The following CTNNA2 variants were observed in gnomAD, a reference collection of about 807,000 sequenced individuals.
The protein encoded by CTNNA2 is catenin alpha 2.
Under a neutral mutation model 101.0 loss-of-function variants are expected in CTNNA2, and 42 were observed. The observed-to-expected ratio is 0.42, with a 90% confidence interval of 0.32 to 0.54. CTNNA2 has a LOEUF of 0.54. CTNNA2 is among the 20% of genes least tolerant of loss of function. CTNNA2 has a pLI of 0.14. For missense variants in CTNNA2, 871 were observed against 1,223.1 expected (o/e 0.71, Z 4.29); for synonymous variants, 450 against 456.4 (o/e 0.99, Z 0.18).
chr2:79,972,671 A>G (rs1480701571), intron 7 of CTNNA2, among the ~76,000 whole-genome samples: 1 of 152,176 alleles, frequency 6.6e-6, no homozygotes, highest in Non-Finnish European at 1.5e-5. Context: ...CAAGAGCAGT[A>G]ATAAAGAGTC....
intron 9 of CTNNA2, among the ~76,000 whole-genome samples, chr2:80,429,804 C>T (rs1475959813): frequency 5.3e-5 from 8 of 152,152 alleles, no homozygotes; most frequent in Admixed American, 4.6e-4. Flanking sequence ...CAGTTTGCAT[C>T]GTTCATATCT....
intron 5 of CTNNA2, among the ~76,000 whole-genome samples, 164 bp from the exon 6 acceptor site, chr2:79,873,912 A>G (rs1682791523): frequency 6.6e-6 from 1 of 152,158 alleles, no homozygotes; most frequent in Non-Finnish European, 1.5e-5. Flanking sequence ...TCTATAAAAC[A>G]GACAAACAAA....
At chr2:79,591,885 C>T (rs560613044) in intron 1 of CTNNA2, among the ~76,000 whole-genome samples, 60 of 144,096 alleles carry the variant, frequency 4.2e-4, no homozygotes, top group Middle Eastern at 3.5e-3. Context: ...TTTATTTTAT[C>T]GGTTGTTTCT....
chr2:79,976,315 A>C (rs1690837065), intron 7 of CTNNA2, among the ~76,000 whole-genome samples: 1 of 152,148 alleles, frequency 6.6e-6, no homozygotes, highest in South Asian at 2.1e-4. Context: ...GGCCAACTGA[A>C]CAGGAGACGG....
chr2:80,622,721 G>A (rs906184134), intron 18 of CTNNA2, among the ~76,000 whole-genome samples: 7 of 151,752 alleles, frequency 4.6e-5, no homozygotes, highest in Admixed American at 3.3e-4. Context: ...TTTGCCTCAC[G>A]TAGGGAAAAC....
chr2:79,641,352 T>C (rs1680438120), intron 1 of CTNNA2, among the ~76,000 whole-genome samples: 1 of 152,246 alleles, frequency 6.6e-6, no homozygotes, highest in Non-Finnish European at 1.5e-5. Context: ...CAAGAAATTC[T>C]AATTTATAGG....
chr2:79,483,305 G>A (rs181492892), intron 4 of CTNNA2, among the ~76,000 whole-genome samples: 7 of 152,240 alleles, frequency 4.6e-5, no homozygotes, highest in East Asian at 3.9e-4. Context: ...AGTTATTACC[G>A]CATAACAAAT....
At chr2:80,528,816 C>A (rs1311680007) in intron 9 of CTNNA2, among the ~76,000 whole-genome samples, 1 of 152,118 alleles carries the variant, frequency 6.6e-6, no homozygotes, top group Non-Finnish European at 1.5e-5. Flanking sequence ...TACACTGATT[C>A]TTCGTGAGTC....
intron 2 of CTNNA2, among the ~76,000 whole-genome samples, chr2:79,280,656 T>TGTGAGAGA (rs1337075035): frequency 1.0e-5 from 1 of 96,670 alleles, no homozygotes; most frequent in South Asian, 3.9e-4. Context: ...TGTGTGTGTG[T>TGTGAGAGA]AAGAGAAAGA....
chr2:80,168,268 C>T (rs185944991), intron 7 of CTNNA2, among the ~76,000 whole-genome samples: 2 of 152,138 alleles, frequency 1.3e-5, no homozygotes, highest in Admixed American at 1.3e-4. Context: ...ACTCTCTGAC[C>T]CTAAGTAGAA....
chr2:79,933,326 A>G (rs1403286909), intron 7 of CTNNA2, among the ~76,000 whole-genome samples: 1 of 152,130 alleles, frequency 6.6e-6, no homozygotes, highest in Non-Finnish European at 1.5e-5. Context: ...CCTTTCTAAC[A>G]ACACTGTTCG....
intron 7 of CTNNA2, among the ~76,000 whole-genome samples, chr2:80,239,407 G>A (rs959035934): frequency 1.3e-5 from 2 of 152,144 alleles, no homozygotes; most frequent in African/African-American, 4.8e-5. Flanking sequence ...TATGTAGTGT[G>A]TGGGCATATG....
chr2:80,145,850 C>T (rs1703297819), intron 7 of CTNNA2, among the ~76,000 whole-genome samples: 1 of 152,200 alleles, frequency 6.6e-6, no homozygotes, highest in Admixed American at 6.5e-5. Context: ...ACACTGGTAA[C>T]TTGGTCATAG....
intron 1 of CTNNA2, among the ~76,000 whole-genome samples, chr2:79,551,104 C>A (rs1414170469): frequency 6.6e-6 from 1 of 152,146 alleles, no homozygotes; most frequent in Non-Finnish European, 1.5e-5. Flanking sequence ...CTATTCGTCA[C>A]TATATAGCTG....
At chr2:80,508,512 G>A (rs1444072094) in intron 9 of CTNNA2, among the ~76,000 whole-genome samples, 3 of 151,968 alleles carry the variant, frequency 2.0e-5, no homozygotes, top group Non-Finnish European at 2.9e-5. Context: ...GTATCTTAAA[G>A]TTATTGTTGT....
chr2:80,388,955 C>T (rs72912881), intron 7 of CTNNA2, among the ~76,000 whole-genome samples: 15,381 of 152,164 alleles, frequency 0.1, 842 homozygotes, highest in African/African-American at 0.11. Context: ...AGATTCTGCC[C>T]CTCATTTCAC....
chr2:79,205,398 T>A (rs1000152932), intron 2 of CTNNA2, among the ~76,000 whole-genome samples: 3 of 152,242 alleles, frequency 2.0e-5, no homozygotes, highest in African/African-American at 7.2e-5. Context: ...GCTACTGTTC[T>A]TTTATGCTAT....
At chr2:80,041,319 T>C (rs1246907941) in intron 7 of CTNNA2, among the ~76,000 whole-genome samples, 1 of 152,044 alleles carries the variant, frequency 6.6e-6, no homozygotes, top group African/African-American at 2.4e-5. Flanking sequence ...AAGTTAAAAG[T>C]TTTTATAATG....
At chr2:79,934,002 A>C (rs1287348858) in intron 7 of CTNNA2, among the ~76,000 whole-genome samples, 1 of 152,248 alleles carries the variant, frequency 6.6e-6, no homozygotes, top group East Asian at 1.9e-4. Context: ...AAATGAAAAC[A>C]GAAGAGGTCT....
Sources: gnomAD v4.1 joint callset for allele counts (sites outside exome capture counted in the v4.1 genomes callset) on GRCh38, gnomAD v4.1.1 for gene constraint, MANE v1.5 for transcripts, NCBI Gene and HGNC (gene_info 2026-07-23, HGNC 2026-07-21) for gene names.